ZBTB41: variants seen among roughly 807,000 people sequenced by gnomAD.
The protein encoded by ZBTB41 is zinc finger and BTB domain containing 41.
Under a neutral mutation model 87.6 loss-of-function variants are expected in ZBTB41, and 42 were observed. That is an observed-to-expected ratio of 0.48 (90% CI 0.37 to 0.62). ZBTB41 has a LOEUF of 0.62. Among genes scored for constraint, ZBTB41 ranks in the 20% least tolerant of loss-of-function variants. The probability of loss-of-function intolerance (pLI) is 0.00; values close to 1 mark genes in which losing one functional copy is unlikely to be tolerated. For synonymous variants in ZBTB41, 364 were observed against 364.0 expected, an observed-to-expected ratio of 1.00 and a Z score of 0.00; for missense variants, 799 against 1,078.9, an observed-to-expected ratio of 0.74 and a Z score of 3.63.
chr1:197,179,505 G>A (rs187082450), intron 6 of ZBTB41, among the ~76,000 whole-genome samples: 2 of 151,978 alleles, frequency 1.3e-5, no homozygotes, highest in South Asian at 2.1e-4. Flanking sequence ...GATTTAGAGT[G>A]TACTTCTTCT....
intron 6 of ZBTB41, among the ~76,000 whole-genome samples, chr1:197,179,278 G>A (rs931944797): frequency 6.6e-5 from 10 of 152,066 alleles, no homozygotes; most frequent in Non-Finnish European, 1.3e-4. Context: ...AAACAATGCT[G>A]TCCCATAAGA....
rs754581085 is a variant in ZBTB41, at chr1:197,159,799, C to T, written c.2290G>A (p.Val764Ile). ...DPLSTSEEKL[V>I]SLPVEYSSDD... is the part of the protein sequence containing the mutation. ...GATGAGTACTCAACTGGCAAGGATACAAGTTTTTCCTCAGAAGTACTGAGA... is the reference window on the plus strand; with the variant it reads ...GATGAGTACTCAACTGGCAAGGATATAAGTTTTTCCTCAGAAGTACTGAGA... The change falls in exon 11 of 11, where the codon GTA (valine) becomes ATA (isoleucine). Residue 764 changes from valine to isoleucine, a missense_variant. By Grantham distance (29) the Val-to-Ile change is conservative. Transcript: ENST00000367405. 3.1e-6 allele frequency: 5 copies of T among 1,613,972 alleles called. No individual in the cohort carries two copies. Among genetic ancestry groups the T allele is most frequent in the Admixed American group, 3.3e-5 (2 of 60,002 alleles).
Position 197,159,814 on chromosome 1 carries a change from A to G in ZBTB41, c.2275T>C (p.Ser759Pro). Reference sequence around the variant, plus strand: ...GGCAAGGATACAAGTTTTTCCTCAGAAGTACTGAGAGGATCATCAGGAGAT... The same window carrying G: ...GGCAAGGATACAAGTTTTTCCTCAGGAGTACTGAGAGGATCATCAGGAGAT... Reference protein sequence around the residue: ...IKSPDDPLSTSEEKLVSLPVE... With the variant: ...IKSPDDPLSTPEEKLVSLPVE... Residue 759 changes from serine (S) to proline (P), a missense_variant, in exon 11 of 11, where the codon TCT becomes CCT. This residue lies in a region of ZBTB41 where 171 missense variants were observed against 191.9 expected (regional missense o/e 0.89). Transcript: ENST00000367405. The G allele has an allele frequency of 1.2e-6, 2 of 1,613,982 alleles. No homozygotes were observed. Among genetic ancestry groups the G allele is most frequent in the South Asian group, 2.2e-5 (2 of 91,080 alleles).
chr1:197,164,792 C>CGTATCTA lies in ZBTB41; in HGVS notation c.2075-4779_2075-4778insTAGATAC, dbSNP rs1557975092. On this transcript the variant is annotated intron_variant, in intron 10 of 10. Transcript: ENST00000367405. Reference sequence around the variant, plus strand: ...CATATCTAATATATTATATATAATACATATATAATATATTATATATATTAT... The same window carrying CGTATCTA: ...CATATCTAATATATTATATATAATACGTATCTAATATATAATATATTATATATATTAT... 2.7e-3 allele frequency among the ~76,000 whole-genome samples: 60 copies of CGTATCTA among 21,874 alleles called. 1 individual carries two copies. Among genetic ancestry groups the CGTATCTA allele is most frequent in the Non-Finnish European group, 4.3e-3 (46 of 10,578 alleles). 14.4% of individuals were successfully genotyped at this position (21,874 alleles called of 152,430 possible).
chr1:197,158,161 T>C lies in ZBTB41; in HGVS notation c.*1198A>G. Reference sequence around the variant, plus strand: ...TGACTTTTTCCTCAATTGTAATCACTGAGGTTTTGCTGTAACTGCTATTTC... The same window carrying C: ...TGACTTTTTCCTCAATTGTAATCACCGAGGTTTTGCTGTAACTGCTATTTC... On this transcript the variant is annotated 3_prime_UTR_variant, in exon 11 of 11. Coordinates refer to ENST00000367405, the MANE Select transcript of ZBTB41 (RefSeq NM_194314.3). The C allele has an allele frequency of 6.6e-6, 1 of 152,340 alleles. No homozygotes were observed. The highest frequency in any genetic ancestry group is 2.4e-5 in the African/African-American group (1 of 41,426). The allele number at this position is 152,340 out of a possible 1,614,324, so 9.4% of individuals were successfully genotyped here.
intron 4 of ZBTB41, among the ~76,000 whole-genome samples, chr1:197,189,520 C>T (rs755029431): frequency 2.0e-5 from 3 of 147,778 alleles, no homozygotes; most frequent in Admixed American, 6.7e-5. Flanking sequence ...AGCGAGACTC[C>T]GTCTCAAAAA....
chr1:197,184,997 A>G (rs1274671600), intron 5 of ZBTB41, among the ~76,000 whole-genome samples: 2 of 152,038 alleles, frequency 1.3e-5, no homozygotes, highest in African/African-American at 4.8e-5. Flanking sequence ...TATTTTTAGT[A>G]GAGTCAAGGT....
At chr1:197,161,634 A>C (rs1047007934) in intron 10 of ZBTB41, among the ~76,000 whole-genome samples, 1 of 152,100 alleles carries the variant, frequency 6.6e-6, no homozygotes, top group African/African-American at 2.4e-5. Context: ...TAGATAATTA[A>C]CTTTTCAGAA....
intron 7 of ZBTB41, among the ~76,000 whole-genome samples, chr1:197,177,407 A>AGT (rs1659635355): frequency 6.6e-6 from 1 of 152,130 alleles, no homozygotes; most frequent in South Asian, 2.1e-4. Flanking sequence ...ACTGTGAGTC[A>AGT]ATTAAATCCT....
chr1:197,198,510 G>A (rs943958293), intron 2 of ZBTB41, among the ~76,000 whole-genome samples: 2 of 151,850 alleles, frequency 1.3e-5, no homozygotes, highest in Admixed American at 1.3e-4. Context: ...CATTATATGT[G>A]GTAGAATATA....
At chr1:197,160,186 G>A (rs1048666797) in intron 10 of ZBTB41, among the ~76,000 whole-genome samples, 172 bp from the exon 11 acceptor site, 2 of 151,998 alleles carry the variant, frequency 1.3e-5, no homozygotes, top group African/African-American at 4.8e-5. Flanking sequence ...AAAATAAGAA[G>A]CTTAAACATT....
rs115494816 is a variant in ZBTB41 at position 197,193,713 on chromosome 1, C to G, written c.1121-1814G>C. On this transcript the variant is annotated intron_variant, in intron 2 of 10. Transcript: ENST00000367405. Reference sequence around the variant, plus strand: ...CACATCCTACCACCACCACCTCCCCCGCTGTGTTCAAGGAATCAGACCAAA... The same window carrying G: ...CACATCCTACCACCACCACCTCCCCGGCTGTGTTCAAGGAATCAGACCAAA... Among the ~76,000 whole-genome samples, 66 of 152,280 alleles carry G rather than the reference C, an allele frequency of 4.3e-4. 1 individual carries two copies. The highest frequency in any genetic ancestry group is 3.6e-4 in the African/African-American group (15 of 41,552).
At chr1:197,177,445 G>A (rs935742097) in intron 7 of ZBTB41, among the ~76,000 whole-genome samples, 2 of 152,074 alleles carry the variant, frequency 1.3e-5, no homozygotes, top group African/African-American at 4.8e-5. Flanking sequence ...CCAGTCTCAA[G>A]TATGTCTTTA....
At position 197,178,380 on chromosome 1, in the gene ZBTB41, A is replaced by G. The variant is rs1191687683; in HGVS notation, c.1772+37T>C. ...AGAACTAAAATAGAGATATAATTCT[A>G]TCTTACTTAATAAAGGGAAAAAATG... On this transcript the variant is annotated intron_variant, in intron 7 of 10. Coordinates refer to ENST00000367405, the MANE Select transcript of ZBTB41 (RefSeq NM_194314.3). 4 of 1,362,946 alleles carry G rather than the reference A, an allele frequency of 2.9e-6. No homozygotes were observed. In the African/African-American group the frequency reaches 4.4e-5, roughly 15 times the overall value. The allele number at this position is 1,362,946 out of a possible 1,614,324, so 84.4% of individuals were successfully genotyped here.
intron 10 of ZBTB41, among the ~76,000 whole-genome samples, chr1:197,168,323 A>C (rs1659397996): frequency 1.3e-5 from 2 of 152,146 alleles, no homozygotes; most frequent in African/African-American, 4.8e-5. Flanking sequence ...GGAAACGTTG[A>C]CCACAGGTTC....
chr1:197,200,152 C>G lies in ZBTB41; in HGVS notation c.322G>C (p.Val108Leu), dbSNP rs773751853. The G allele has an allele frequency of 6.2e-7, 1 of 1,613,952 alleles. No individual in the cohort carries two copies. The highest frequency in any genetic ancestry group is 1.1e-5 in the South Asian group (1 of 91,078). The change falls in exon 2 of 11, where the codon GTC (valine) becomes CTC (leucine). Residue 108 changes from valine to leucine, a missense_variant. This residue lies in a region of ZBTB41 where 59 missense variants were observed against 120.1 expected (regional missense o/e 0.49). Coordinates refer to ENST00000367405, the MANE Select transcript of ZBTB41 (RefSeq NM_194314.3). ...EFSAHKVVVA[V>L]GSSYFHACLS... The stretch of plus-strand genomic sequence containing the variant: ...CACGCATGAAAATAACTACTGCCGA[C>G]AGCAACGACTACTTTATGTGCACTA...
At chr1:197,165,535 G>A (rs554590326) in intron 10 of ZBTB41, among the ~76,000 whole-genome samples, 14 of 151,138 alleles carry the variant, frequency 9.3e-5, no homozygotes, top group South Asian at 4.2e-4. Context: ...GCGTCAACCC[G>A]GGAGGCGGAG....
In ZBTB41 at chr1:197,181,077, G is replaced by T; in HGVS notation, c.1587C>A (p.Asp529Glu). 2 of 1,603,206 alleles carry T rather than the reference G, an allele frequency of 1.2e-6. No individual in the cohort carries two copies. The change falls in exon 6 of 11, where the codon GAC becomes GAA. Residue 529 changes from aspartate (D) to glutamate (E), a missense_variant. Asp to Glu is a conservative substitution (Grantham distance 45). Transcript: ENST00000367405. ...PCDICGRQFN[D>E]TGNLKRHIEC... ...CTATATGACGTTTCAAATTTCCAGT[G>T]TCGTTAAACTGGCGACCACATATAT... is the stretch of plus-strand genomic sequence containing the variant.
intron 5 of ZBTB41, among the ~76,000 whole-genome samples, chr1:197,183,618 C>T (rs758869556): frequency 2.0e-4 from 30 of 152,126 alleles, no homozygotes; most frequent in Non-Finnish European, 3.1e-4. Flanking sequence ...TTACCTATTG[C>T]GCCGTAATTT....
Sources: allele counts gnomAD v4.1 joint callset (sites outside exome capture counted in the v4.1 genomes callset), GRCh38; gene constraint gnomAD v4.1.1; regional missense constraint gnomAD v4.1.1; transcripts MANE v1.5; gene names NCBI Gene and HGNC (gene_info 2026-07-23, HGNC 2026-07-21).